The following UBE2E2 variants were observed in gnomAD, a reference collection of about 807,000 sequenced individuals.
UBE2E2 encodes the protein ubiquitin conjugating enzyme E2 E2.
A neutral mutation model predicts 24.7 loss-of-function variants in UBE2E2; 6 were observed. The ratio of observed to expected loss-of-function variants is 0.24; its 90% CI spans 0.13 to 0.48. The LOEUF (loss-of-function observed/expected upper bound fraction) is 0.48, where lower values mean the gene tolerates loss of function less well. Among genes scored for constraint, UBE2E2 ranks in the 20% least tolerant of loss-of-function variants. UBE2E2 has a pLI of 0.99. For missense variants in UBE2E2, 169 were observed against 245.0 expected (o/e 0.69, Z 2.07); for synonymous variants, 104 against 83.6 (o/e 1.24, Z -1.33).
At chr3:23,536,622 A>G (rs919262400) in intron 5 of UBE2E2, among the ~76,000 whole-genome samples, 4 of 152,208 alleles carry the variant, frequency 2.6e-5, no homozygotes, top group Non-Finnish European at 4.4e-5. Context: ...GAGCATGACA[A>G]TGGAATTGTA....
At position 23,282,627 on chromosome 3, in the gene UBE2E2, T is replaced by C. The variant is rs1296714525; in HGVS notation, c.227+65315T>C. Among the ~76,000 whole-genome samples, 10 of 152,348 alleles carry C rather than the reference T, an allele frequency of 6.6e-5. No homozygotes were observed. In the East Asian group the frequency reaches 1.9e-3, roughly 29 times the overall value. On this transcript the variant is annotated intron_variant, in intron 3 of 5. Coordinates refer to ENST00000396703, the MANE Select transcript of UBE2E2 (RefSeq NM_152653.4). The stretch of plus-strand genomic sequence containing the variant: ...GCCTTGTATTCTGCAGTTTGACATT[T>C]AGAGCTTTTCGTCTTTCAGGATACA...
chr3:23,570,794 C>T (rs541339263), intron 5 of UBE2E2, among the ~76,000 whole-genome samples: 1 of 152,286 alleles, frequency 6.6e-6, no homozygotes, highest in South Asian at 2.1e-4. Flanking sequence ...AACTTCTTTG[C>T]TAAATCAAAT....
chr3:23,570,138 T>C (rs989947906), intron 5 of UBE2E2, among the ~76,000 whole-genome samples: 6 of 152,188 alleles, frequency 3.9e-5, no homozygotes, highest in South Asian at 2.1e-4. Flanking sequence ...GCGAGGAACA[T>C]GGTCTGGTAC....
chr3:23,569,871 T>C (rs1479760940), intron 5 of UBE2E2, among the ~76,000 whole-genome samples: 1 of 152,198 alleles, frequency 6.6e-6, no homozygotes, highest in African/African-American at 2.4e-5. Context: ...TATACAGCCA[T>C]TGTATTTTTA....
chr3:23,403,932 G>T (rs1697291652), intron 3 of UBE2E2, among the ~76,000 whole-genome samples: 1 of 152,084 alleles, frequency 6.6e-6, no homozygotes, highest in African/African-American at 2.4e-5. Flanking sequence ...CGAAAAGGTG[G>T]ACCATTGCAG....
intron 5 of UBE2E2, among the ~76,000 whole-genome samples, chr3:23,579,229 C>A (rs1696413312): frequency 6.6e-6 from 1 of 151,796 alleles, no homozygotes; most frequent in Non-Finnish European, 1.5e-5. Flanking sequence ...CGTAAAAATA[C>A]AAAAAATTAG....
intron 3 of UBE2E2, among the ~76,000 whole-genome samples, chr3:23,288,362 G>A (rs1004405462): frequency 2.0e-4 from 31 of 152,160 alleles, no homozygotes; most frequent in African/African-American, 6.8e-4. Context: ...AATGATTCAT[G>A]TGCTGAGGAG....
chr3:23,300,079 C>T (rs1461612037), intron 3 of UBE2E2, among the ~76,000 whole-genome samples: 1 of 152,108 alleles, frequency 6.6e-6, no homozygotes, highest in Non-Finnish European at 1.5e-5. Context: ...GGTTTAAAGT[C>T]TGTTTTATCA....
Position 23,313,638 on chromosome 3 carries a change from C to T in UBE2E2, c.227+96326C>T, listed in dbSNP as rs563316510. Among the ~76,000 whole-genome samples, 6 of 152,202 alleles carry T rather than the reference C, an allele frequency of 3.9e-5. No individual in the cohort carries two copies. In the East Asian group the frequency reaches 1.2e-3, roughly 29 times the overall value. On this transcript the variant is annotated intron_variant, in intron 3 of 5. Coordinates refer to ENST00000396703, the MANE Select transcript of UBE2E2 (RefSeq NM_152653.4). ...GACCTTGTAATCCACCCACCTCGGCCTCCCAAAGTGCTGGGATTACAGGTG... is the reference window on the plus strand; with the variant it reads ...GACCTTGTAATCCACCCACCTCGGCTTCCCAAAGTGCTGGGATTACAGGTG...
intron 3 of UBE2E2, among the ~76,000 whole-genome samples, chr3:23,318,413 A>G (rs1007607261): frequency 6.6e-6 from 1 of 152,230 alleles, no homozygotes; most frequent in Non-Finnish European, 1.5e-5. Flanking sequence ...AAATATATTC[A>G]TCAATAGGTT....
rs944639437 is a variant in UBE2E2, at chr3:23,574,663, A to G, written c.509-15071A>G. Among the ~76,000 whole-genome samples, 24 of 152,080 alleles carry G rather than the reference A, an allele frequency of 1.6e-4. 3 individuals are homozygous for G. Among genetic ancestry groups the G allele is most frequent in the Admixed American group, 1.2e-3 (19 of 15,262 alleles). On this transcript the variant is annotated intron_variant, in intron 5 of 5. Transcript: ENST00000396703. ...GCCAAGGAGTTTGAGGCTATAGTACACTATAATCATGCCTGTGATTAGGCA... is the reference window on the plus strand; with the variant it reads ...GCCAAGGAGTTTGAGGCTATAGTACGCTATAATCATGCCTGTGATTAGGCA...
intron 3 of UBE2E2, among the ~76,000 whole-genome samples, chr3:23,442,475 A>G (rs1432061512): frequency 2.0e-5 from 3 of 152,174 alleles, no homozygotes; most frequent in African/African-American, 7.2e-5. Context: ...GTAAAGACAT[A>G]TAAAGCATTT....
chr3:23,389,002 CAAAAAAAA>C (rs34578427), intron 3 of UBE2E2, among the ~76,000 whole-genome samples: 3 of 81,152 alleles, frequency 3.7e-5, no homozygotes, highest in Admixed American at 1.4e-4. Context: ...ACTCCATTTC[CAAAAAAAA>C]AAAAAAAAGA....
chr3:23,560,423 TC>T (rs1327532193), intron 5 of UBE2E2, among the ~76,000 whole-genome samples: 18 of 152,174 alleles, frequency 1.2e-4, no homozygotes, highest in African/African-American at 3.6e-4. Flanking sequence ...TGCATAATAT[TC>T]CATAGTGTAT....
intron 3 of UBE2E2, among the ~76,000 whole-genome samples, chr3:23,370,088 G>C (rs1343473651): frequency 6.6e-6 from 1 of 152,124 alleles, no homozygotes; most frequent in Non-Finnish European, 1.5e-5. Flanking sequence ...ACATGTTTCT[G>C]CTCTGTTGCA....
chr3:23,359,389 C>G (rs1696051936), intron 3 of UBE2E2, among the ~76,000 whole-genome samples: 1 of 152,230 alleles, frequency 6.6e-6, no homozygotes, highest in Admixed American at 6.5e-5. Context: ...CTAGATTCCT[C>G]AGGCCAGATA....
chr3:23,510,094 C>T (rs764729617), intron 4 of UBE2E2, among the ~76,000 whole-genome samples: 12 of 152,092 alleles, frequency 7.9e-5, no homozygotes, highest in Non-Finnish European at 1.0e-4. Flanking sequence ...GTAGCAGCCT[C>T]TTAGAGATTT....
intron 3 of UBE2E2, among the ~76,000 whole-genome samples, chr3:23,350,667 A>C (rs13325204): frequency 6.6e-6 from 1 of 152,130 alleles, no homozygotes; most frequent in African/African-American, 2.4e-5. Flanking sequence ...GAAATGAAGC[A>C]AGAAGGGAAG....
At chr3:23,524,425 A>T (rs1694944563) in intron 4 of UBE2E2, among the ~76,000 whole-genome samples, 1 of 152,164 alleles carries the variant, frequency 6.6e-6, no homozygotes, top group Non-Finnish European at 1.5e-5. Context: ...TATTAGAACC[A>T]TTTGTGTACT....
Sources: allele counts gnomAD v4.1 joint callset (sites outside exome capture counted in the v4.1 genomes callset), GRCh38; gene constraint gnomAD v4.1.1; transcripts MANE v1.5; gene names NCBI Gene and HGNC (gene_info 2026-07-23, HGNC 2026-07-21).